The following TGM5 variants were observed in gnomAD, a reference collection of about 807,000 sequenced individuals.
TGM5 encodes protein-glutamine gamma-glutamyltransferase 5.
A neutral mutation model predicts 77.2 loss-of-function variants in TGM5; 69 were observed. That is an observed-to-expected ratio of 0.89 (90% confidence interval 0.74 to 1.09). The LOEUF (loss-of-function observed/expected upper bound fraction) is 1.09, where lower values mean the gene tolerates loss of function less well. TGM5 is among the 50% of genes least tolerant of loss of function. The pLI is 0.00. For synonymous variants in TGM5, 346 were observed against 351.8 expected (o/e 0.98, Z 0.18); for missense variants, 842 against 896.5 (o/e 0.94, Z 0.78).
intron 6 of TGM5, among the ~76,000 whole-genome samples, chr15:43,244,420 G>C (rs764329088): frequency 2.0e-5 from 3 of 152,230 alleles, no homozygotes; most frequent in Non-Finnish European, 2.9e-5. Context: ...TAGGTGACCT[G>C]TCACTGATGA....
chr15:43,262,173 G>A (rs2042794524), intron 1 of TGM5, among the ~76,000 whole-genome samples: 1 of 152,112 alleles, frequency 6.6e-6, no homozygotes, highest in Non-Finnish European at 1.5e-5. Context: ...GCCTCAGTTG[G>A]CCCACCCTTC....
intron 9 of TGM5, among the ~76,000 whole-genome samples, chr15:43,237,984 A>G (rs995312594): frequency 2.0e-5 from 3 of 152,316 alleles, no homozygotes; most frequent in Non-Finnish European, 1.5e-5. Flanking sequence ...GTGGGTGGTG[A>G]TGGCACTGCT....
chr15:43,251,911 C>T (rs2042706011), intron 6 of TGM5, among the ~76,000 whole-genome samples: 1 of 152,218 alleles, frequency 6.6e-6, no homozygotes, highest in African/African-American at 2.4e-5. Context: ...CTCACATTTT[C>T]TTCCTTCCCC....
intron 6 of TGM5, among the ~76,000 whole-genome samples, chr15:43,241,566 A>T (rs185420189): frequency 9.7e-4 from 148 of 152,322 alleles, no homozygotes; most frequent in African/African-American, 3.4e-3. Flanking sequence ...TACCTGGTAG[A>T]GAAATTCTTG....
At chr15:43,239,119 C>G (rs1382254828) in intron 8 of TGM5, 44 bp downstream of exon 8, 1 of 1,613,988 alleles carries the variant, frequency 6.2e-7, no homozygotes, top group Non-Finnish European at 8.5e-7. Flanking sequence ...GGGTGGGGTG[C>G]TTTCCACGGG....
intron 3 of TGM5, 73 bp from the exon 4 acceptor site, chr15:43,256,759 G>T: frequency 2.6e-6 from 3 of 1,133,256 alleles, no homozygotes; most frequent in Non-Finnish European, 4.0e-6. Context: ...CATCCCCACA[G>T]TCCCAGAGGA....
rs2042722595 is a variant in TGM5, at chr15:43,253,608, G to T, written c.582C>A (p.Cys194Ter). The T allele has an allele frequency of 3.1e-6, 5 of 1,613,700 alleles. No homozygotes were observed. The highest frequency in any genetic ancestry group is 4.2e-6 in the Non-Finnish European group (5 of 1,180,036). ...GCAGGCTCTTGTCTAGCAGCTTCAG[G>T]CAGATGTCTATGATTTTGTCTTCAA... is the stretch of plus-strand genomic sequence containing the variant. ...GQFEDKIIDI[C>*]LKLLDKSLHF... Residue 194 changes from cysteine (C) to a stop codon, truncating the protein, a stop_gained, in exon 5 of 13, where the codon TGC becomes TGA. Coordinates refer to ENST00000220420, the MANE Select transcript of TGM5 (RefSeq NM_201631.4). LOFTEE classifies it high-confidence loss of function.
chr15:43,250,250 C>A (rs955612369), intron 6 of TGM5, among the ~76,000 whole-genome samples: 1 of 152,176 alleles, frequency 6.6e-6, no homozygotes, highest in East Asian at 1.9e-4. Context: ...AGGACCCTAA[C>A]TGATGCTTCC....
At position 43,234,814 on chromosome 15, in the gene TGM5, C is replaced by T. The variant is rs755468906; in HGVS notation, c.1830G>A (p.Leu610=). Residue 610 remains leucine, a synonymous_variant, in exon 11 of 13, where the codon CTG becomes CTA. Transcript: ENST00000220420. The stretch of plus-strand genomic sequence containing the variant: ...AAGATAAGGTGATGATCTTGTTCAC[C>T]AGGATTTTCTCAGGACTGCTTTTCT... ...GEEKSSPEKI[L]VNKIITLSYP... The T allele has an allele frequency of 1.2e-6, 2 of 1,614,086 alleles. No homozygotes were observed. The highest frequency in any genetic ancestry group is 1.7e-6 in the Non-Finnish European group (2 of 1,180,042).
intron 4 of TGM5, among the ~76,000 whole-genome samples, 157 bp downstream of exon 4, chr15:43,256,411 T>C (rs1183217099): frequency 6.6e-6 from 1 of 152,200 alleles, no homozygotes; most frequent in African/African-American, 2.4e-5. Context: ...CCACTCCCTA[T>C]GGCTGCTCCT....
chr15:43,244,523 C>A (rs1280707767), intron 6 of TGM5, among the ~76,000 whole-genome samples: 1 of 152,156 alleles, frequency 6.6e-6, no homozygotes, highest in Admixed American at 6.5e-5. Context: ...GATGCAGTGA[C>A]AACTGGGCAA....
chr15:43,238,590 G>A (rs1443910261), intron 9 of TGM5, among the ~76,000 whole-genome samples: 1 of 152,258 alleles, frequency 6.6e-6, no homozygotes, highest in Non-Finnish European at 1.5e-5. Context: ...TGGGCTCCAC[G>A]GTCCATGTCA....
intron 1 of TGM5, among the ~76,000 whole-genome samples, chr15:43,261,094 T>TTGTTTG (rs2042787021): frequency 7.6e-6 from 1 of 131,008 alleles, no homozygotes; most frequent in Non-Finnish European, 1.6e-5. Flanking sequence ...TTTTTTTTTT[T>TTGTTTG]TTTTTTTTTT....
intron 9 of TGM5, among the ~76,000 whole-genome samples, chr15:43,237,272 T>C (rs7162620): frequency 0.047 from 7,146 of 152,276 alleles, 561 homozygotes; most frequent in African/African-American, 0.16. Context: ...TGCAACTCTG[T>C]CTGAGGTTTT....
At chr15:43,245,072 G>T (rs1385024798) in intron 6 of TGM5, among the ~76,000 whole-genome samples, 1 of 151,902 alleles carries the variant, frequency 6.6e-6, no homozygotes, top group Non-Finnish European at 1.5e-5. Flanking sequence ...GACAGAGTGA[G>T]ATCCTGTCTA....
At chr15:43,261,576 T>C (rs1208850732) in intron 1 of TGM5, among the ~76,000 whole-genome samples, 1 of 152,206 alleles carries the variant, frequency 6.6e-6, no homozygotes, top group African/African-American at 2.4e-5. Context: ...GGGTCTGTTT[T>C]TGATTTTTCC....
At chr15:43,235,155 C>G (rs1002302400) in intron 10 of TGM5, among the ~76,000 whole-genome samples, 2 of 152,056 alleles carry the variant, frequency 1.3e-5, no homozygotes, top group African/African-American at 2.4e-5. Flanking sequence ...ACGAAGGTCT[C>G]AGAGACTCCA....
chr15:43,241,199 G>A (rs1426925660), intron 6 of TGM5: 2 of 656,928 alleles, frequency 3.0e-6, no homozygotes, highest in African/African-American at 1.8e-5. Flanking sequence ...AGGTGGGGAT[G>A]CTGACTGCTC....
intron 6 of TGM5, among the ~76,000 whole-genome samples, chr15:43,247,396 C>T (rs1235845064): frequency 2.0e-5 from 3 of 151,984 alleles, no homozygotes; most frequent in East Asian, 1.9e-4. Flanking sequence ...GAAATTAGCA[C>T]TGAGTGACGA....
Sources: allele counts gnomAD v4.1 joint callset (sites outside exome capture counted in the v4.1 genomes callset), GRCh38; gene constraint gnomAD v4.1.1; transcripts MANE v1.5; gene names NCBI Gene and HGNC (gene_info 2026-07-23, HGNC 2026-07-21).